Variants in ABL1 observed in about 807,000 individuals in gnomAD.
ABL1 encodes ABL proto-oncogene 1, non-receptor tyrosine kinase.
ABL1 carries 11 observed loss-of-function variants against 94.7 expected under a neutral mutation model. The observed-to-expected ratio is 0.12, with a 90% CI of 0.07 to 0.19. The LOEUF is 0.19. Ranked by LOEUF, ABL1 falls within the 10% of genes least tolerant of loss-of-function variation. The probability of loss-of-function intolerance (pLI) is 1.00; values close to 1 mark genes in which losing one functional copy is unlikely to be tolerated. For missense variants in ABL1, 1,082 were observed against 1,489.4 expected (o/e 0.73, Z 4.50); for synonymous variants, 656 against 622.4 (o/e 1.05, Z -0.80).
Position 130,885,879 on chromosome 9 carries a change from T to TTCC in ABL1, c.*203_*205dup, listed in dbSNP as rs1831573627. On this transcript the variant is annotated 3_prime_UTR_variant, in exon 11 of 11. Coordinates refer to ENST00000318560, the MANE Select transcript of ABL1 (RefSeq NM_005157.6). The stretch of plus-strand genomic sequence containing the variant: ...TTTGCACCGCCTGCCCTCCCGCACC[T>TTCC]TCCTCCTCCCCGCTCCGTCTCTGTC... 1.5e-6 allele frequency: 1 copy of TTCC among 663,306 alleles called. No homozygotes were observed. The highest frequency in any genetic ancestry group is 3.1e-5 in the Admixed American group (1 of 31,768). 41.1% of individuals were successfully genotyped at this position (663,306 alleles called of 1,614,324 possible).
chr9:130,774,655 C>G (rs900322378), intron 1 of ABL1, among the ~76,000 whole-genome samples: 5 of 152,002 alleles, frequency 3.3e-5, no homozygotes, highest in African/African-American at 1.2e-4. Flanking sequence ...GAAACCTCAT[C>G]TGTTAAAAAA....
At chr9:130,731,936 G>A (rs1034275649) in intron 1 of ABL1, among the ~76,000 whole-genome samples, 1 of 151,472 alleles carries the variant, frequency 6.6e-6, no homozygotes, top group African/African-American at 2.4e-5. Context: ...TAATGATAAA[G>A]GCTAAATGAT....
At chr9:130,774,336 C>T (rs1347871049) in intron 1 of ABL1, among the ~76,000 whole-genome samples, 3 of 152,074 alleles carry the variant, frequency 2.0e-5, no homozygotes, top group Admixed American at 6.5e-5. Context: ...GGAGCAGGAT[C>T]GCTGGTCATA....
intron 1 of ABL1, among the ~76,000 whole-genome samples, chr9:130,728,230 A>ATTTTTTTTTTTTTTTTTTTTTTTTTTTTT (rs55915035): frequency 9.7e-5 from 10 of 102,634 alleles, no homozygotes; most frequent in Non-Finnish European, 1.7e-4. Context: ...TGTCCAGCTG[A>ATTTTTTTTTTTTTTTTTTTTTTTTTTTTT]TTTTTTTTTT....
At chr9:130,788,859 C>T (rs1315564702) in intron 1 of ABL1, among the ~76,000 whole-genome samples, 1 of 152,174 alleles carries the variant, frequency 6.6e-6, no homozygotes, top group African/African-American at 2.4e-5. Flanking sequence ...GTGTTACATC[C>T]ATTTGCATAC....
intron 1 of ABL1, among the ~76,000 whole-genome samples, chr9:130,838,951 C>G (rs1830628665): frequency 6.6e-6 from 1 of 152,026 alleles, no homozygotes; most frequent in South Asian, 2.1e-4. Context: ...GCTCTGTCAC[C>G]CAGGCTGGAC....
chr9:130,778,237 A>C (rs1829695928), intron 1 of ABL1, among the ~76,000 whole-genome samples: 1 of 135,656 alleles, frequency 7.4e-6, no homozygotes, highest in Non-Finnish European at 1.6e-5. Flanking sequence ...GACTCACTGC[A>C]TTAGTACTTT....
chr9:130,730,998 CTTTTTTTTTTT>C (rs11300328), intron 1 of ABL1, among the ~76,000 whole-genome samples: 4 of 64,496 alleles, frequency 6.2e-5, no homozygotes, highest in South Asian at 6.8e-4. Flanking sequence ...CTCTATCTCT[CTTTTTTTTTTT>C]TTTTTTTTTT....
chr9:130,764,724 A>T (rs926913117), intron 1 of ABL1, among the ~76,000 whole-genome samples: 6 of 152,132 alleles, frequency 3.9e-5, no homozygotes, highest in Admixed American at 2.0e-4. Flanking sequence ...TTGGGAGGCC[A>T]GGGCAGGTGG....
At chr9:130,730,759 T>C (rs991920948) in intron 1 of ABL1, among the ~76,000 whole-genome samples, 2 of 151,232 alleles carry the variant, frequency 1.3e-5, no homozygotes, top group African/African-American at 2.4e-5. Flanking sequence ...TTTTGTAGAG[T>C]TGGGGTTTTA....
At chr9:130,870,173 A>C (rs1027921500) in intron 4 of ABL1, among the ~76,000 whole-genome samples, 4 of 152,218 alleles carry the variant, frequency 2.6e-5, no homozygotes, top group Non-Finnish European at 5.9e-5. Context: ...AGGGGGAGAC[A>C]AATTCACATT....
chr9:130,742,837 A>T, intron 1 of ABL1, among the ~76,000 whole-genome samples: 1 of 152,026 alleles, frequency 6.6e-6, no homozygotes, highest in East Asian at 1.9e-4. Flanking sequence ...ACTTTATATT[A>T]TATAATATAT....
At chr9:130,726,902 A>G (rs755606771) in intron 1 of ABL1, among the ~76,000 whole-genome samples, 5 of 152,254 alleles carry the variant, frequency 3.3e-5, no homozygotes, top group African/African-American at 4.8e-5. Flanking sequence ...CGTTAGCTCT[A>G]TCACATAAGT....
chr9:130,875,956 T>A (rs950206472), intron 7 of ABL1, among the ~76,000 whole-genome samples: 1 of 152,152 alleles, frequency 6.6e-6, no homozygotes, highest in African/African-American at 2.4e-5. Flanking sequence ...GCCTCCTGAG[T>A]AGCTGGGATT....
At chr9:130,857,671 A>G (rs1253563851) in intron 3 of ABL1, among the ~76,000 whole-genome samples, 1 of 151,070 alleles carries the variant, frequency 6.6e-6, no homozygotes, top group Non-Finnish European at 1.5e-5. Context: ...ATTCACTTGT[A>G]CCATATGAAC....
intron 1 of ABL1, among the ~76,000 whole-genome samples, chr9:130,756,945 C>G (rs1461156593): frequency 6.6e-6 from 1 of 152,148 alleles, no homozygotes; most frequent in Non-Finnish European, 1.5e-5. Flanking sequence ...AGCTGGAGTC[C>G]CCTTAGGGCA....
At chr9:130,857,101 T>A (rs990710200) in intron 3 of ABL1, among the ~76,000 whole-genome samples, 2 of 152,250 alleles carry the variant, frequency 1.3e-5, no homozygotes, top group Non-Finnish European at 2.9e-5. Flanking sequence ...TTTCATTTTT[T>A]AAAAATTCTG....
intron 1 of ABL1, among the ~76,000 whole-genome samples, chr9:130,841,825 G>C (rs762305312): frequency 1.3e-4 from 19 of 151,626 alleles, no homozygotes; most frequent in Non-Finnish European, 2.9e-5. Flanking sequence ...AAAAAAAGTT[G>C]GTTTTCAAAT....
intron 1 of ABL1, among the ~76,000 whole-genome samples, chr9:130,792,703 G>A (rs752130904): frequency 5.3e-5 from 8 of 152,136 alleles, no homozygotes; most frequent in Non-Finnish European, 8.8e-5. Flanking sequence ...AAATTTGATC[G>A]TATGACATCT....
Sources: gnomAD v4.1 joint callset for allele counts (sites outside exome capture counted in the v4.1 genomes callset) on GRCh38, gnomAD v4.1.1 for gene constraint, MANE v1.5 for transcripts, NCBI Gene and HGNC (gene_info 2026-07-23, HGNC 2026-07-21) for gene names.